ADARB1: variants seen among roughly 807,000 people sequenced by gnomAD.
ADARB1 encodes the protein adenosine deaminase RNA specific B1.
A neutral mutation model predicts 52.4 loss-of-function variants in ADARB1; 10 were observed. The observed-to-expected ratio is 0.19, with a 90% confidence interval of 0.12 to 0.32. The LOEUF (loss-of-function observed/expected upper bound fraction) is 0.32. Among genes scored for constraint, ADARB1 ranks in the 10% least tolerant of loss-of-function variants. The probability of loss-of-function intolerance (pLI) is 1.00; values close to 1 mark genes in which losing one functional copy is unlikely to be tolerated. For missense variants in ADARB1, 643 were observed against 922.3 expected, an observed-to-expected ratio of 0.70 and a Z score of 3.92; for synonymous variants, 349 against 371.1, an observed-to-expected ratio of 0.94 and a Z score of 0.68.
chr21:45,215,501 G>A (rs1490901325), intron 9 of ADARB1, among the ~76,000 whole-genome samples: 2 of 151,724 alleles, frequency 1.3e-5, no homozygotes, highest in Non-Finnish European at 2.9e-5. Context: ...AGTGACTTAG[G>A]CCTATAGTCC....
chr21:45,111,461 A>G (rs2087530824), intron 1 of ADARB1, among the ~76,000 whole-genome samples: 2 of 151,920 alleles, frequency 1.3e-5, no homozygotes, highest in South Asian at 4.2e-4. Flanking sequence ...CCCCATGTTG[A>G]CACCTCATTA....
intron 9 of ADARB1, among the ~76,000 whole-genome samples, chr21:45,212,831 A>G (rs2092794298): frequency 6.6e-6 from 1 of 152,250 alleles, no homozygotes; most frequent in Non-Finnish European, 1.5e-5. Context: ...GATCTATATG[A>G]GAAAACAGAA....
chr21:45,136,512 A>G (rs553914873), intron 2 of ADARB1, among the ~76,000 whole-genome samples: 9 of 152,358 alleles, frequency 5.9e-5, no homozygotes, highest in African/African-American at 1.9e-4. Flanking sequence ...ATGTTTCAGA[A>G]CCTGTAGCAG....
intron 1 of ADARB1, among the ~76,000 whole-genome samples, chr21:45,116,142 C>T (rs1029129139): frequency 6.6e-6 from 1 of 152,214 alleles, no homozygotes; most frequent in African/African-American, 2.4e-5. Flanking sequence ...TCAGTGTCCC[C>T]AGGGCGAAAT....
intron 8 of ADARB1, among the ~76,000 whole-genome samples, chr21:45,201,359 C>G (rs566904340): frequency 6.6e-6 from 1 of 152,182 alleles, no homozygotes; most frequent in Non-Finnish European, 1.5e-5. Flanking sequence ...AATTCTCTTT[C>G]AAAGCATACG....
intron 1 of ADARB1, among the ~76,000 whole-genome samples, chr21:45,123,997 G>A (rs757911051): frequency 7.9e-5 from 12 of 152,166 alleles, no homozygotes; most frequent in Non-Finnish European, 1.5e-4. Context: ...GCCTGTGATG[G>A]AACTTTATCC....
Position 45,181,099 on chromosome 21 carries a change from G to A in ADARB1, c.1078+655G>A, listed in dbSNP as rs771591230. ...GAGAGGACCCCTGTCATGTGGGGCCGTCTCTGTACCCAGCATCTGCTCAGC... is the reference window on the plus strand; with the variant it reads ...GAGAGGACCCCTGTCATGTGGGGCCATCTCTGTACCCAGCATCTGCTCAGC... On this transcript the variant is annotated intron_variant, in intron 5 of 10. Coordinates refer to ENST00000348831, the MANE Select transcript of ADARB1 (RefSeq NM_001112.4). Among the ~76,000 whole-genome samples, 10 of 152,332 alleles carry A rather than the reference G, an allele frequency of 6.6e-5. No individual in the cohort carries two copies. In the South Asian group the frequency reaches 1.7e-3, roughly 25 times the overall value.
chr21:45,105,752 C>T (rs577009957), intron 1 of ADARB1, among the ~76,000 whole-genome samples: 6 of 152,292 alleles, frequency 3.9e-5, no homozygotes, highest in South Asian at 2.1e-4. Context: ...TGGCTTCCTT[C>T]GTGAAAACGT....
intron 1 of ADARB1, among the ~76,000 whole-genome samples, chr21:45,109,218 T>C (rs903263332): frequency 3.4e-5 from 5 of 148,462 alleles, no homozygotes; most frequent in Admixed American, 6.7e-5. Context: ...CGCGCGTGTG[T>C]GCGCGCTTGT....
At chr21:45,144,512 A>G (rs977380679) in intron 2 of ADARB1, 2 of 265,124 alleles carry the variant, frequency 7.5e-6, no homozygotes, top group Non-Finnish European at 1.5e-5. Context: ...GTAAACTGTC[A>G]GTTTAATCAT....
rs1569190744 is a variant in ADARB1, at chr21:45,222,213, T to A, written c.*16T>A. On this transcript the variant is annotated 3_prime_UTR_variant, in exon 11 of 11. Transcript: ENST00000348831. ...CACGCCCTGACCCGGGCAGACATGA[T>A]GGGGGGTGCAGGGGGCTGTGGGCAT... The A allele has an allele frequency of 6.5e-7, 1 of 1,537,130 alleles. No individual in the cohort carries two copies. The highest frequency in any genetic ancestry group is 8.7e-7 in the Non-Finnish European group (1 of 1,145,740).
intron 2 of ADARB1, among the ~76,000 whole-genome samples, chr21:45,149,641 C>T (rs1308719940): frequency 6.6e-6 from 1 of 152,198 alleles, no homozygotes; most frequent in Non-Finnish European, 1.5e-5. Context: ...GTGTTCTGTT[C>T]AGAGGCCACT....
intron 1 of ADARB1, among the ~76,000 whole-genome samples, chr21:45,079,758 T>A (rs2086081280): frequency 6.6e-6 from 1 of 152,182 alleles, no homozygotes; most frequent in African/African-American, 2.4e-5. Flanking sequence ...ATTTTTATGA[T>A]TAGTTATCTG....
chr21:45,188,435 G>T (rs908176249), intron 8 of ADARB1, among the ~76,000 whole-genome samples: 9 of 152,072 alleles, frequency 5.9e-5, no homozygotes, highest in Admixed American at 2.6e-4. Flanking sequence ...GGAAATTTTT[G>T]ATTACTGACC....
At chr21:45,095,318 A>G (rs971505918) in intron 1 of ADARB1, among the ~76,000 whole-genome samples, 1 of 152,244 alleles carries the variant, frequency 6.6e-6, no homozygotes, top group Non-Finnish European at 1.5e-5. Flanking sequence ...GAGCTCTGAC[A>G]CAGTGCAGCA....
chr21:45,116,777 G>T (rs370232465), intron 1 of ADARB1, among the ~76,000 whole-genome samples: 1 of 152,162 alleles, frequency 6.6e-6, no homozygotes. Context: ...CAGCATGAGG[G>T]TAACTGCCCC....
intron 2 of ADARB1, among the ~76,000 whole-genome samples, chr21:45,150,220 G>A (rs1344949499): frequency 1.3e-5 from 2 of 152,222 alleles, no homozygotes; most frequent in Non-Finnish European, 2.9e-5. Flanking sequence ...GTTGCAGTGA[G>A]CTGAGATCCT....
At position 45,224,722 on chromosome 21, in the gene ADARB1, CT is replaced by C. The variant is rs1346604469; in HGVS notation, c.*2526del. The C allele has an allele frequency of 1.0e-6, 1 of 998,376 alleles. No homozygotes were observed. The highest frequency in any genetic ancestry group is 6.1e-5 in the Admixed American group (1 of 16,352). The allele number at this position is 998,376 out of a possible 1,614,324, so 61.8% of individuals were successfully genotyped here. A position where few individuals can be genotyped will look rare whatever the true frequency, so the allele number is the denominator to read the frequency against. Reference sequence around the variant, plus strand: ...AGGAAGGAACTGGTTTCGGGGAGCCCTGGGCGGGGCGGCTGTGGGGAGGAAG... The same window carrying C: ...AGGAAGGAACTGGTTTCGGGGAGCCCGGGCGGGGCGGCTGTGGGGAGGAAG... On this transcript the variant is annotated 3_prime_UTR_variant, in exon 11 of 11. Transcript: ENST00000348831.
At chr21:45,113,500 T>C (rs1402943328) in intron 1 of ADARB1, among the ~76,000 whole-genome samples, 1 of 20,952 alleles carries the variant, frequency 4.8e-5, no homozygotes, top group East Asian at 6.5e-4. Context: ...TGTATATATG[T>C]GTGTGTGTGT....
Sources: allele counts gnomAD v4.1 joint callset (sites outside exome capture counted in the v4.1 genomes callset), GRCh38; gene constraint gnomAD v4.1.1; transcripts MANE v1.5; gene names NCBI Gene and HGNC (gene_info 2026-07-23, HGNC 2026-07-21).